RNGTT: variants seen among roughly 807,000 people sequenced by gnomAD.
RNGTT encodes the protein mRNA-capping enzyme.
In RNGTT, 33 loss-of-function variants were observed where a neutral mutation model predicts 79.3. That is an observed-to-expected ratio of 0.42 (90% confidence interval 0.32 to 0.56). The LOEUF (loss-of-function observed/expected upper bound fraction) is 0.56, where lower values mean the gene tolerates loss of function less well. RNGTT is among the 20% of genes least tolerant of loss of function. The pLI is 0.17. For missense variants in RNGTT, 497 were observed against 739.1 expected, an observed-to-expected ratio of 0.67 and a Z score of 3.80; for synonymous variants, 222 against 235.9, an observed-to-expected ratio of 0.94 and a Z score of 0.54.
intron 14 of RNGTT, among the ~76,000 whole-genome samples, chr6:88,655,446 C>T (rs1398143627): frequency 6.6e-6 from 1 of 152,132 alleles, no homozygotes; most frequent in Non-Finnish European, 1.5e-5. Context: ...CGAATACAAA[C>T]ATCACTCTTA....
In RNGTT at chr6:88,902,493, T is replaced by C. The variant is rs549794109; in HGVS notation, c.684+2222A>G. 1.2e-3 allele frequency among the ~76,000 whole-genome samples: 184 copies of C among 151,798 alleles called. 4 individuals carry two copies. Among genetic ancestry groups the C allele is most frequent in the African/African-American group, 4.2e-3 (175 of 41,388 alleles). ...GGCACAGACCTGTAATCACAGATAC[T>C]TGGGAGGCTTAGGTGGGAGGATCCC... is the stretch of plus-strand genomic sequence containing the variant. On this transcript the variant is annotated intron_variant, in intron 6 of 15. Transcript: ENST00000369485.
chr6:88,785,330 G>A (rs1005539829), intron 12 of RNGTT, among the ~76,000 whole-genome samples: 7 of 151,922 alleles, frequency 4.6e-5, no homozygotes, highest in African/African-American at 1.5e-4. Flanking sequence ...ATATCTAGCT[G>A]AGACTGATTA....
At chr6:88,685,977 T>A (rs1008243009) in intron 13 of RNGTT, among the ~76,000 whole-genome samples, 1 of 151,368 alleles carries the variant, frequency 6.6e-6, no homozygotes, top group Non-Finnish European at 1.5e-5. Flanking sequence ...GATCTAAGGT[T>A]TAGAGGGAAA....
In RNGTT at chr6:88,853,667, C is replaced by CT; in HGVS notation, c.993dup (p.Asp332ArgfsTer18). 6.3e-7 allele frequency: 1 copy of CT among 1,599,132 alleles called. No individual in the cohort carries two copies. The highest frequency in any genetic ancestry group is 8.5e-7 in the Non-Finnish European group (1 of 1,169,744). ...GTATTTGATAAATGCATACGAAGAT[C>CT]TTTACGAAATGGAAATTCCAGATTT... On this transcript the variant is annotated frameshift_variant, in exon 9 of 16. Transcript: ENST00000369485. LOFTEE classifies it high-confidence loss of function.
intron 14 of RNGTT, among the ~76,000 whole-genome samples, chr6:88,662,844 G>A (rs1307904910): frequency 6.6e-6 from 1 of 152,210 alleles, no homozygotes; most frequent in East Asian, 1.9e-4. Flanking sequence ...TTGGAGTCTG[G>A]ACATCTGGAA....
chr6:88,879,123 G>A (rs140069067), intron 8 of RNGTT, among the ~76,000 whole-genome samples: 82 of 152,304 alleles, frequency 5.4e-4, no homozygotes, highest in Admixed American at 6.5e-4. Flanking sequence ...GAGACCAGGC[G>A]CGGTGGCTCA....
intron 13 of RNGTT, among the ~76,000 whole-genome samples, chr6:88,752,249 T>C (rs1297426136): frequency 6.6e-6 from 1 of 152,086 alleles, no homozygotes; most frequent in East Asian, 1.9e-4. Flanking sequence ...GTTAAAGAAA[T>C]ATAATTCTAT....
At chr6:88,737,953 T>A (rs1777340149) in intron 13 of RNGTT, among the ~76,000 whole-genome samples, 1 of 152,194 alleles carries the variant, frequency 6.6e-6, no homozygotes, top group South Asian at 2.1e-4. Flanking sequence ...GTGTAACTTT[T>A]CAGTGTTTAA....
chr6:88,690,962 T>G (rs1353605482), intron 13 of RNGTT, among the ~76,000 whole-genome samples: 1 of 152,080 alleles, frequency 6.6e-6, no homozygotes, highest in Non-Finnish European at 1.5e-5. Flanking sequence ...TATACACCAA[T>G]GAAAAGGAAT....
chr6:88,776,664 GAAA>G (rs34767667), intron 12 of RNGTT, among the ~76,000 whole-genome samples: 1 of 138,876 alleles, frequency 7.2e-6, no homozygotes. Context: ...GGCTTCTTTG[GAAA>G]AAAAAAAAAA....
At chr6:88,938,526 A>T (rs998089162) in intron 2 of RNGTT, among the ~76,000 whole-genome samples, 1 of 152,216 alleles carries the variant, frequency 6.6e-6, no homozygotes, top group African/African-American at 2.4e-5. Context: ...ATCCACTTAC[A>T]TTCAAGGTTA....
intron 2 of RNGTT, among the ~76,000 whole-genome samples, chr6:88,931,178 A>C (rs77338657): frequency 0.021 from 2,979 of 140,632 alleles, 108 homozygotes; most frequent in African/African-American, 0.076. Flanking sequence ...ATGGAATACT[A>C]TAAAGCTGTA....
Position 88,700,465 on chromosome 6 carries a change from G to A in RNGTT, c.1440-22046C>T, listed in dbSNP as rs187018910. The stretch of plus-strand genomic sequence containing the variant: ...AATTATTAGATACCGTCCCACCTGC[G>A]ACATTCTTTTTTCTTTCTTTTCTCA... On this transcript the variant is annotated intron_variant, in intron 13 of 15. Transcript: ENST00000369485. Among the ~76,000 whole-genome samples, 295 of 152,040 alleles carry A rather than the reference G, an allele frequency of 1.9e-3. 4 individuals carry two copies. The highest frequency in any genetic ancestry group is 6.9e-3 in the African/African-American group (288 of 41,476).
At chr6:88,641,355 A>T (rs1773313540) in intron 14 of RNGTT, among the ~76,000 whole-genome samples, 1 of 151,786 alleles carries the variant, frequency 6.6e-6, no homozygotes, top group African/African-American at 2.4e-5. Context: ...AAAAAAAAAA[A>T]AAAATAACCA....
intron 8 of RNGTT, among the ~76,000 whole-genome samples, chr6:88,887,011 G>A (rs1464887304): frequency 8.3e-6 from 1 of 120,454 alleles, no homozygotes; most frequent in African/African-American, 3.1e-5. Flanking sequence ...AGGAGTTTGA[G>A]ACCATCCTGA....
intron 12 of RNGTT, among the ~76,000 whole-genome samples, chr6:88,786,124 T>C (rs1779222048): frequency 6.6e-6 from 1 of 152,140 alleles, no homozygotes; most frequent in Admixed American, 6.5e-5. Context: ...TTTTTATTCT[T>C]ACTTCAATTA....
intron 1 of RNGTT, among the ~76,000 whole-genome samples, chr6:88,948,364 G>A (rs1785101003): frequency 8.8e-6 from 1 of 114,058 alleles, no homozygotes. Context: ...AGGTGGGGGG[G>A]GGTCAGCCCC....
At chr6:88,632,544 GACACACACACACAC>G (rs55920605) in intron 14 of RNGTT, among the ~76,000 whole-genome samples, 58 of 133,050 alleles carry the variant, frequency 4.4e-4, no homozygotes, top group African/African-American at 1.9e-3. Context: ...CAGACACACA[GACACACACACACAC>G]ACACACACAC....
At chr6:88,634,221 A>T (rs1439973997) in intron 14 of RNGTT, among the ~76,000 whole-genome samples, 1 of 152,190 alleles carries the variant, frequency 6.6e-6, no homozygotes, top group African/African-American at 2.4e-5. Context: ...CATTTTTATA[A>T]GCTAGTTTTA....
Sources: allele counts gnomAD v4.1 joint callset (sites outside exome capture counted in the v4.1 genomes callset), GRCh38; gene constraint gnomAD v4.1.1; transcripts MANE v1.5; gene names NCBI Gene and HGNC (gene_info 2026-07-23, HGNC 2026-07-21).